ADAMTSL1: variants seen among roughly 807,000 people sequenced by gnomAD.
The protein encoded by ADAMTSL1 is ADAMTS-like protein 1.
A neutral mutation model predicts 201.8 loss-of-function variants in ADAMTSL1; 126 were observed. That is an observed-to-expected ratio of 0.62 (90% CI 0.54 to 0.72). The LOEUF (loss-of-function observed/expected upper bound fraction) is 0.72, where lower values mean the gene tolerates loss of function less well. Among genes scored for constraint, ADAMTSL1 ranks in the 30% least tolerant of loss-of-function variants. ADAMTSL1 has a pLI of 0.00. For missense variants in ADAMTSL1, 2,679 were observed against 2,277.8 expected, an observed-to-expected ratio of 1.18 and a Z score of -3.59; for synonymous variants, 1,121 against 903.4, an observed-to-expected ratio of 1.24 and a Z score of -4.32.
chr9:18,492,356 A>T (rs377146593), intron 1 of ADAMTSL1, among the ~76,000 whole-genome samples: 3 of 152,222 alleles, frequency 2.0e-5, no homozygotes, highest in African/African-American at 7.2e-5. Context: ...TTGTTTTTCA[A>T]AGTATTAAAG....
chr9:18,043,217 G>GT, intron 1 of ADAMTSL1, among the ~76,000 whole-genome samples: 2 of 152,178 alleles, frequency 1.3e-5, no homozygotes, highest in Middle Eastern at 3.4e-3. Flanking sequence ...ATCTGTGTGT[G>GT]TTTTTTGGAG....
intron 1 of ADAMTSL1, among the ~76,000 whole-genome samples, chr9:17,913,172 A>G (rs1825958547): frequency 6.6e-6 from 1 of 152,076 alleles, no homozygotes; most frequent in Non-Finnish European, 1.5e-5. Flanking sequence ...TTGACTTGGC[A>G]ATGTGGGCTC....
intron 23 of ADAMTSL1, among the ~76,000 whole-genome samples, chr9:18,867,553 C>G (rs1444628097): frequency 6.6e-6 from 1 of 152,170 alleles, no homozygotes; most frequent in Non-Finnish European, 1.5e-5. Context: ...ATTCTTATTT[C>G]ATTTGTACTT....
intron 2 of ADAMTSL1, among the ~76,000 whole-genome samples, chr9:18,296,351 G>A (rs1833478132): frequency 6.6e-6 from 1 of 152,126 alleles, no homozygotes; most frequent in Admixed American, 6.5e-5. Context: ...TGGATAACAA[G>A]GAATATTTAA....
intron 2 of ADAMTSL1, among the ~76,000 whole-genome samples, chr9:18,176,241 G>A (rs1169544164): frequency 1.3e-5 from 2 of 151,908 alleles, no homozygotes; most frequent in Non-Finnish European, 2.9e-5. Flanking sequence ...TTTAAGCAAG[G>A]AATATGTTTG....
chr9:18,067,624 T>C (rs1158751696), intron 1 of ADAMTSL1, among the ~76,000 whole-genome samples: 1 of 152,226 alleles, frequency 6.6e-6, no homozygotes, highest in Admixed American at 6.5e-5. Flanking sequence ...TATGAAGAGA[T>C]ATTATTCACA....
At chr9:18,622,581 C>T in intron 5 of ADAMTSL1, 1 of 653,350 alleles carries the variant, frequency 1.5e-6, no homozygotes. Context: ...GCCTGTCCTT[C>T]TGAGGCACAT....
chr9:18,502,568 CTT>C (rs1822900187), intron 1 of ADAMTSL1, among the ~76,000 whole-genome samples: 1 of 152,168 alleles, frequency 6.6e-6, no homozygotes, highest in East Asian at 1.9e-4. Context: ...CAGAGCACCT[CTT>C]ATTGCAGTGA....
Position 18,232,311 on chromosome 9 carries a change from T to C in ADAMTSL1, c.207+68330T>C, listed in dbSNP as rs541187167. Among the ~76,000 whole-genome samples the C allele has an allele frequency of 2.6e-5, 4 of 152,272 alleles. No homozygotes were observed. The South Asian group carries it at 8.3e-4, about 32-fold the overall frequency. Reference sequence around the variant, plus strand: ...AGTTGTCCCCCTTGCCGAATTCAAATCTTTTCTCAAATGGCACCTTCTTTG... The same window carrying C: ...AGTTGTCCCCCTTGCCGAATTCAAACCTTTTCTCAAATGGCACCTTCTTTG... On this transcript the variant is annotated intron_variant, in intron 2 of 29. Transcript: ENST00000680146.
intron 21 of ADAMTSL1, among the ~76,000 whole-genome samples, chr9:18,819,965 C>T (rs1304786114): frequency 6.6e-6 from 1 of 152,224 alleles, no homozygotes. Flanking sequence ...CTATAAGCAG[C>T]TCTTAAGGCT....
intron 2 of ADAMTSL1, among the ~76,000 whole-genome samples, chr9:18,354,172 A>G (rs1162819298): frequency 6.6e-6 from 1 of 151,408 alleles, no homozygotes; most frequent in East Asian, 1.9e-4. Context: ...TGGTGTAAAT[A>G]CATATTTATA....
intron 9 of ADAMTSL1, among the ~76,000 whole-genome samples, chr9:18,669,131 G>T (rs534949692): frequency 9.8e-5 from 15 of 152,320 alleles, no homozygotes; most frequent in African/African-American, 3.6e-4. Context: ...AGCCAGCACA[G>T]AACCATTAAC....
At chr9:18,052,154 A>G (rs545283499) in intron 1 of ADAMTSL1, among the ~76,000 whole-genome samples, 1 of 152,214 alleles carries the variant, frequency 6.6e-6, no homozygotes, top group Non-Finnish European at 1.5e-5. Flanking sequence ...CTATCAGTCA[A>G]TGAGTCAGTC....
intron 15 of ADAMTSL1, among the ~76,000 whole-genome samples, chr9:18,740,482 T>A (rs1050651839): frequency 4.2e-5 from 6 of 143,344 alleles, no homozygotes; most frequent in Admixed American, 1.4e-4. Context: ...TTTTATCTTT[T>A]TTTTTTTTTT....
intron 1 of ADAMTSL1, among the ~76,000 whole-genome samples, chr9:18,053,098 G>A (rs1285005031): frequency 6.6e-6 from 1 of 152,208 alleles, no homozygotes; most frequent in African/African-American, 2.4e-5. Context: ...CACACCAAGT[G>A]TGGAGTTCTG....
chr9:18,418,800 C>G (rs1323930790), intron 2 of ADAMTSL1, among the ~76,000 whole-genome samples: 2 of 152,172 alleles, frequency 1.3e-5, no homozygotes, highest in Non-Finnish European at 2.9e-5. Context: ...TGCCATTCCA[C>G]TCACAATCCT....
intron 2 of ADAMTSL1, among the ~76,000 whole-genome samples, chr9:18,518,856 C>T (rs888286307): frequency 2.6e-5 from 4 of 152,136 alleles, no homozygotes; most frequent in South Asian, 2.1e-4. Context: ...TACAGGCATG[C>T]GCCATGATAC....
chr9:18,429,631 A>T (rs185656228), intron 2 of ADAMTSL1, among the ~76,000 whole-genome samples: 5 of 152,298 alleles, frequency 3.3e-5, no homozygotes, highest in Admixed American at 6.5e-5. Flanking sequence ...CATTAATTTT[A>T]TTCATTAGGC....
chr9:18,759,993 C>T (rs142261140), intron 16 of ADAMTSL1, among the ~76,000 whole-genome samples: 61 of 152,228 alleles, frequency 4.0e-4, no homozygotes, highest in Middle Eastern at 6.8e-3. Flanking sequence ...TGCATAGCAC[C>T]GTGTCTAACT....
Sources: gnomAD v4.1 joint callset for allele counts (sites outside exome capture counted in the v4.1 genomes callset) on GRCh38, gnomAD v4.1.1 for gene constraint, MANE v1.5 for transcripts, NCBI Gene and HGNC (gene_info 2026-07-23, HGNC 2026-07-21) for gene names.